The following TASP1 variants were observed in gnomAD, a reference collection of about 807,000 sequenced individuals.
The protein encoded by TASP1 is threonine aspartase 1.
TASP1 carries 16 observed loss-of-function variants against 56.6 expected under a neutral mutation model. That is an observed-to-expected ratio of 0.28 (90% CI 0.19 to 0.43). The LOEUF is 0.43. TASP1 is among the 20% of genes least tolerant of loss of function. TASP1 has a pLI of 1.00. For missense variants in TASP1, 393 were observed against 511.6 expected (o/e 0.77, Z 2.24); for synonymous variants, 179 against 184.2 (o/e 0.97, Z 0.23).
chr20:13,131,751 G>T, the TASP1 span, among the ~76,000 whole-genome samples: 1 of 152,032 alleles, frequency 6.6e-6, no homozygotes, highest in Admixed American at 6.5e-5. Flanking sequence ...CCTTTTTATG[G>T]CTTCTTCTCC....
At chr20:13,531,866 G>T (rs2045234266) in intron 9 of TASP1, among the ~76,000 whole-genome samples, 1 of 152,144 alleles carries the variant, frequency 6.6e-6, no homozygotes, top group Admixed American at 6.6e-5. Context: ...GTGTCACCAT[G>T]TTGGCCAAGC....
intron 12 of TASP1, among the ~76,000 whole-genome samples, chr20:13,420,154 C>T (rs537836410): frequency 7.9e-5 from 12 of 152,228 alleles, no homozygotes; most frequent in African/African-American, 2.9e-4. Flanking sequence ...CCAATATGAC[C>T]ATGAGAGCAA....
chr20:13,131,127 C>A, the TASP1 span, among the ~76,000 whole-genome samples: 5 of 100,576 alleles, frequency 5.0e-5, no homozygotes, highest in African/African-American at 2.2e-4. Flanking sequence ...CACACCGACT[C>A]CCCTGAGAAA....
intron 10 of TASP1, among the ~76,000 whole-genome samples, chr20:13,490,774 A>G (rs1462053798): frequency 1.3e-5 from 2 of 151,928 alleles, no homozygotes; most frequent in African/African-American, 4.8e-5. Flanking sequence ...GTTTGAATCC[A>G]GCAGGGTGAC....
At chr20:13,432,137 T>C (rs994224934) in intron 12 of TASP1, among the ~76,000 whole-genome samples, 5 of 152,348 alleles carry the variant, frequency 3.3e-5, no homozygotes, top group Admixed American at 1.3e-4. Context: ...ATAGACATTA[T>C]ATAAAGTTAA....
chr20:13,248,233 G>A, the TASP1 span, among the ~76,000 whole-genome samples: 2 of 152,134 alleles, frequency 1.3e-5, no homozygotes, highest in African/African-American at 2.4e-5. Flanking sequence ...TCTTCTTTAT[G>A]AACATTTCTT....
At chr20:13,604,764 T>C (rs1212927583) in intron 4 of TASP1, among the ~76,000 whole-genome samples, 2 of 152,070 alleles carry the variant, frequency 1.3e-5, no homozygotes, top group Non-Finnish European at 2.9e-5. Flanking sequence ...ATTTAAAAGA[T>C]TGACAAAACT....
chr20:13,469,100 A>C (rs1458101273), intron 11 of TASP1, among the ~76,000 whole-genome samples: 1 of 152,220 alleles, frequency 6.6e-6, no homozygotes, highest in African/African-American at 2.4e-5. Context: ...GTAACGCAAG[A>C]TTGTTTACAG....
At chr20:13,232,727 A>G in the TASP1 span, among the ~76,000 whole-genome samples, 1 of 152,336 alleles carries the variant, frequency 6.6e-6, no homozygotes, top group African/African-American at 2.4e-5. Context: ...GCACTCACAT[A>G]AAGTGTTTAG....
the TASP1 span, among the ~76,000 whole-genome samples, chr20:13,225,457 C>T: frequency 6.6e-6 from 1 of 152,082 alleles, no homozygotes; most frequent in South Asian, 2.1e-4. Flanking sequence ...ATTATATATA[C>T]ATAATACACA....
chr20:13,162,258 A>G, the TASP1 span, among the ~76,000 whole-genome samples: 1 of 152,222 alleles, frequency 6.6e-6, no homozygotes, highest in South Asian at 2.1e-4. Flanking sequence ...ATGGCCGGGA[A>G]GCAAGTTCCC....
At chr20:13,599,285 C>A (rs1236639711) in intron 4 of TASP1, among the ~76,000 whole-genome samples, 1 of 152,178 alleles carries the variant, frequency 6.6e-6, no homozygotes, top group African/African-American at 2.4e-5. Flanking sequence ...ACCTAAACAT[C>A]CATCAATGAT....
intron 11 of TASP1, among the ~76,000 whole-genome samples, chr20:13,450,599 G>A (rs1266439001): frequency 2.0e-5 from 3 of 151,976 alleles, no homozygotes; most frequent in Admixed American, 2.0e-4. Flanking sequence ...CTCCTCATCC[G>A]TTAAAGTTTT....
chr20:13,614,370 C>T (rs1311112404), intron 4 of TASP1, among the ~76,000 whole-genome samples: 1 of 150,720 alleles, frequency 6.6e-6, no homozygotes, highest in Non-Finnish European at 1.5e-5. Flanking sequence ...GTAGTAGAAA[C>T]TAAGGCTTTT....
At chr20:13,448,004 T>A (rs927289830) in intron 11 of TASP1, among the ~76,000 whole-genome samples, 1 of 152,152 alleles carries the variant, frequency 6.6e-6, no homozygotes, top group Non-Finnish European at 1.5e-5. Flanking sequence ...GTCTCTTTCT[T>A]CTAAGGCTTC....
chr20:13,375,619 A>G, the TASP1 span, among the ~76,000 whole-genome samples: 15 of 152,346 alleles, frequency 9.8e-5, no homozygotes, highest in African/African-American at 3.4e-4. Context: ...TTGCTGAGTC[A>G]AATGGTATTT....
chr20:13,139,305 C>T, the TASP1 span, among the ~76,000 whole-genome samples: 4 of 152,272 alleles, frequency 2.6e-5, no homozygotes, highest in South Asian at 8.3e-4. Flanking sequence ...CCATAGTATC[C>T]TTCTTTGTGG....
chr20:13,179,406 C>CATGTGTGTGT, the TASP1 span, among the ~76,000 whole-genome samples: 932 of 143,512 alleles, frequency 6.5e-3, 10 homozygotes, highest in African/African-American at 0.023. Context: ...GAATTATGTG[C>CATGTGTGTGT]GTGTGTGTGT....
At chr20:13,549,338 A>C (rs2045904817) in intron 8 of TASP1, among the ~76,000 whole-genome samples, 2 of 152,172 alleles carry the variant, frequency 1.3e-5, no homozygotes, top group Admixed American at 1.3e-4. Context: ...AGGCTTTAAA[A>C]AGTTACAGAT....
Sources: allele counts gnomAD v4.1 joint callset (sites outside exome capture counted in the v4.1 genomes callset), GRCh38; gene constraint gnomAD v4.1.1; transcripts MANE v1.5; gene names NCBI Gene and HGNC (gene_info 2026-07-23, HGNC 2026-07-21).